Variants in HAGH observed in about 807,000 individuals in gnomAD.
The protein encoded by HAGH is hydroxyacylglutathione hydrolase.
In HAGH, 29 loss-of-function variants were observed where a neutral mutation model predicts 35.1. The observed-to-expected ratio is 0.83, with a 90% CI of 0.62 to 1.13. The LOEUF (loss-of-function observed/expected upper bound fraction) is 1.13, where lower values mean the gene tolerates loss of function less well. Ranked by LOEUF, HAGH falls within the 50% of genes most tolerant of loss-of-function variation. The probability of loss-of-function intolerance (pLI) is 0.00; values close to 1 mark genes in which losing one functional copy is unlikely to be tolerated. For missense variants in HAGH, 478 were observed against 419.6 expected, an observed-to-expected ratio of 1.14 and a Z score of -1.22; for synonymous variants, 225 against 176.1, an observed-to-expected ratio of 1.28 and a Z score of -2.20.
rs1897485652 is a variant in HAGH, at chr16:1,808,290, AT to A, written c.*992del. The A allele has an allele frequency of 6.6e-6, 1 of 151,146 alleles. No homozygotes were observed. Among genetic ancestry groups the A allele is most frequent in the Non-Finnish European group, 1.5e-5 (1 of 67,826 alleles). The allele number at this position is 151,146 out of a possible 1,614,324, so 9.4% of individuals were successfully genotyped here. The stretch of plus-strand genomic sequence containing the variant: ...GCCCAGGTAACTTTTTAAAAAGATT[AT>A]TATTAAATTTCATATTTTTTTTTTT... On this transcript the variant is annotated 3_prime_UTR_variant, in exon 9 of 9. Coordinates refer to ENST00000397356, the MANE Select transcript of HAGH (RefSeq NM_005326.6).
intron 5 of HAGH, 76 bp from the exon 6 acceptor site, chr16:1,817,347 G>A (rs2142038251): frequency 2.1e-6 from 2 of 934,654 alleles, no homozygotes; most frequent in Non-Finnish European, 3.5e-6. Context: ...CCAGGAGCAG[G>A]GTGACACTCA....
At position 1,818,678 on chromosome 16, in the gene HAGH, G is replaced by A. The variant is rs557213803; in HGVS notation, c.541+437C>T. On this transcript the variant is annotated intron_variant, in intron 5 of 8. Coordinates refer to ENST00000397356, the MANE Select transcript of HAGH (RefSeq NM_005326.6). ...GAAGGGCCCGGCCTACAGTGAGGCC[G>A]TCCCCCGGCCATATGACCTCCACAG... The A allele has an allele frequency of 4.8e-4, 77 of 161,754 alleles. 1 individual carries two copies. The South Asian group carries it at 0.011, about 23-fold the overall frequency. 10.0% of individuals were successfully genotyped at this position (161,754 alleles called of 1,614,324 possible). A position where few individuals can be genotyped will look rare whatever the true frequency, so the allele number is the denominator to read the frequency against.
At chr16:1,811,790 G>A (rs957418481) in intron 7 of HAGH, among the ~76,000 whole-genome samples, 1 of 152,174 alleles carries the variant, frequency 6.6e-6, no homozygotes, top group Non-Finnish European at 1.5e-5. Context: ...TGTGGGTTCT[G>A]GACTCCAGGG....
upstream of HAGH, chr16:1,827,158 G>C: frequency 1.3e-6 from 2 of 1,518,984 alleles, no homozygotes; most frequent in East Asian, 2.3e-5. Flanking sequence ...GCGTTCCGAG[G>C]CAGTTGGTCC....
At chr16:1,816,868 A>C in intron 7 of HAGH, 25 bp downstream of exon 7, 9 of 1,419,220 alleles carry the variant, frequency 6.3e-6, no homozygotes, top group African/African-American at 1.4e-5. Flanking sequence ...ACAGGAAGGC[A>C]CTGCGCAGTG....
chr16:1,821,934 GT>G (rs764064407), intron 3 of HAGH: 3 of 150,032 alleles, frequency 2.0e-5, no homozygotes, highest in Non-Finnish European at 2.7e-5. Flanking sequence ...CTGGCTGCTT[GT>G]TTTTTTTTGT....
intron 1 of HAGH, 160 bp downstream of exon 1, chr16:1,826,552 C>T: frequency 1.1e-6 from 1 of 924,122 alleles, no homozygotes; most frequent in Non-Finnish European, 1.3e-6. Flanking sequence ...CCGCGCCAGC[C>T]TCAGCGCCTG....
chr16:1,826,691 G>A (rs924602860), intron 1 of HAGH, 21 bp downstream of exon 1: 8 of 1,021,966 alleles, frequency 7.8e-6, no homozygotes, highest in African/African-American at 6.9e-5. Context: ...CCCCCGGCCC[G>A]CACCGCCCCG....
intron 2 of HAGH, 123 bp downstream of exon 2, chr16:1,822,742 G>A (rs1032442717): frequency 1.5e-5 from 12 of 797,074 alleles, no homozygotes; most frequent in South Asian, 7.8e-5. Flanking sequence ...CAGAGTGGCC[G>A]GAGACTAATT....
In HAGH at chr16:1,817,275, G is replaced by T; in HGVS notation, c.542-4C>A. ...CCAGCCACAAACAAGGTGTCACCTGGAAACAAGGACAGCCACGAGGTGGGG... is the reference window on the plus strand; with the variant it reads ...CCAGCCACAAACAAGGTGTCACCTGTAAACAAGGACAGCCACGAGGTGGGG... On this transcript the variant is annotated splice_region_variant and splice_polypyrimidine_tract_variant and intron_variant, in intron 5 of 8. Transcript: ENST00000397356. The T allele has an allele frequency of 6.3e-7, 1 of 1,597,850 alleles. No homozygotes were observed. The highest frequency in any genetic ancestry group is 8.6e-7 in the Non-Finnish European group (1 of 1,165,182).
chr16:1,811,974 T>G (rs1897668014), intron 7 of HAGH, among the ~76,000 whole-genome samples: 1 of 149,304 alleles, frequency 6.7e-6, no homozygotes, highest in South Asian at 2.1e-4. Context: ...GAGGATCACT[T>G]GAGCCCAGAA....
chr16:1,817,422 CT>C, intron 5 of HAGH, 151 bp from the exon 6 acceptor site: 1 of 647,514 alleles, frequency 1.5e-6, no homozygotes, highest in Admixed American at 2.4e-5. Flanking sequence ...CTCAGCCCCC[CT>C]GCATTCCGGC....
At chr16:1,826,977 G>C (rs2142059521), upstream of HAGH, 3 of 613,512 alleles carry the variant, frequency 4.9e-6, no homozygotes, top group South Asian at 9.5e-5. Flanking sequence ...CACGGGCCGG[G>C]AGACGGGCCT....
At chr16:1,826,421 G>A in intron 1 of HAGH, 1 of 368,776 alleles carries the variant, frequency 2.7e-6, no homozygotes, top group Non-Finnish European at 3.7e-6. Flanking sequence ...GCCCGGGCAG[G>A]ACGCGATGCC....
chr16:1,812,047 C>T (rs1897670864), intron 7 of HAGH, among the ~76,000 whole-genome samples: 1 of 151,912 alleles, frequency 6.6e-6, no homozygotes, highest in South Asian at 2.1e-4. Flanking sequence ...CAAAAATTAA[C>T]CAAGCATGAT....
upstream of HAGH, chr16:1,827,140 G>T: frequency 1.3e-6 from 2 of 1,485,184 alleles, no homozygotes; most frequent in Non-Finnish European, 1.8e-6. Context: ...CCGTCGCTGC[G>T]GGGGACAGCG....
intron 1 of HAGH, among the ~76,000 whole-genome samples, chr16:1,823,275 C>CTT (rs4017982): frequency 0.61 from 86,818 of 141,368 alleles, 26,347 homozygotes; most frequent in Middle Eastern, 0.73. Flanking sequence ...TTTTTTTTTT[C>CTT]TTTTTTTTTT....
At chr16:1,821,315 G>A (rs1050058991) in intron 3 of HAGH, among the ~76,000 whole-genome samples, 1 of 152,170 alleles carries the variant, frequency 6.6e-6, no homozygotes, top group African/African-American at 2.4e-5. Flanking sequence ...CCTTGGCCAA[G>A]CCACCAGCAC....
Position 1,817,152 on chromosome 16 carries a change from G to A in HAGH, c.645+16C>T. ...AAGGCCCCCCACACCCCGGCCCGCAGGGAGGCGCTGCCTACTGTGTCCGGG... is the reference window on the plus strand; with the variant it reads ...AAGGCCCCCCACACCCCGGCCCGCAAGGAGGCGCTGCCTACTGTGTCCGGG... On this transcript the variant is annotated intron_variant, in intron 6 of 8. Transcript: ENST00000397356. 6.5e-7 allele frequency: 1 copy of A among 1,549,642 alleles called. No homozygotes were observed. Among genetic ancestry groups the A allele is most frequent in the East Asian group, 2.2e-5 (1 of 44,552 alleles).
Sources: allele counts gnomAD v4.1 joint callset (sites outside exome capture counted in the v4.1 genomes callset), GRCh38; gene constraint gnomAD v4.1.1; transcripts MANE v1.5; gene names NCBI Gene and HGNC (gene_info 2026-07-23, HGNC 2026-07-21).